RAD51B: variants seen among roughly 807,000 people sequenced by gnomAD.
RAD51B encodes RAD51 paralog B.
Under a neutral mutation model 42.2 loss-of-function variants are expected in RAD51B, and 38 were observed. The observed-to-expected ratio is 0.90, with a 90% confidence interval of 0.70 to 1.18. The LOEUF (loss-of-function observed/expected upper bound fraction) is 1.18. Among genes scored for constraint, RAD51B ranks in the 50% most tolerant of loss-of-function variants. RAD51B has a pLI of 0.00. For synonymous variants in RAD51B, 154 were observed against 145.2 expected, an observed-to-expected ratio of 1.06 and a Z score of -0.43; for missense variants, 373 against 400.7, an observed-to-expected ratio of 0.93 and a Z score of 0.59.
chr14:67,844,607 A>C (rs2041545799), intron 4 of RAD51B, among the ~76,000 whole-genome samples: 1 of 146,984 alleles, frequency 6.8e-6, no homozygotes, highest in South Asian at 2.1e-4. Context: ...TCTTTTATAT[A>C]TATATTATAT....
chr14:68,147,696 T>G (rs1277642965), intron 7 of RAD51B, among the ~76,000 whole-genome samples: 1 of 152,080 alleles, frequency 6.6e-6, no homozygotes, highest in African/African-American at 2.4e-5. Context: ...AATGAAGAAG[T>G]TGTTCTTTAT....
chr14:67,990,293 C>T (rs1016285987), intron 7 of RAD51B, among the ~76,000 whole-genome samples: 6 of 152,126 alleles, frequency 3.9e-5, no homozygotes, highest in Non-Finnish European at 8.8e-5. Flanking sequence ...CCACGCCTGG[C>T]CATTAACATC....
chr14:67,932,613 A>C (rs1322316641), intron 7 of RAD51B, among the ~76,000 whole-genome samples: 1 of 151,896 alleles, frequency 6.6e-6, no homozygotes, highest in Non-Finnish European at 1.5e-5. Flanking sequence ...TGTCCCTGGG[A>C]ATTTGGTATG....
At chr14:68,132,352 C>A (rs1417389519) in intron 7 of RAD51B, among the ~76,000 whole-genome samples, 1 of 152,090 alleles carries the variant, frequency 6.6e-6, no homozygotes, top group African/African-American at 2.4e-5. Flanking sequence ...TGATCATAAT[C>A]TTTGAATATT....
intron 7 of RAD51B, among the ~76,000 whole-genome samples, chr14:68,217,241 C>G (rs1246943610): frequency 1.3e-5 from 2 of 152,234 alleles, no homozygotes; most frequent in Admixed American, 1.3e-4. Context: ...TTGTTCCCCA[C>G]TGCTGCTTTC....
Position 68,669,272 on chromosome 14 carries a change from T to G in RAD51B, c.*11+18416T>G, listed in dbSNP as rs77774037. ...AAGAGAAGTCTAATTGCAAACAGAC[T>G]GAACTTTACATAGGAAATATGTAGG... On this transcript the variant is annotated intron_variant, in intron 11 of 11. Coordinates refer to the RAD51B transcript ENST00000488612. Among the ~76,000 whole-genome samples, 507 of 152,364 alleles carry G rather than the reference T, an allele frequency of 3.3e-3. 4 individuals are homozygous for G. The highest frequency in any genetic ancestry group is 0.012 in the African/African-American group (488 of 41,588).
intron 10 of RAD51B, among the ~76,000 whole-genome samples, chr14:68,506,420 G>A (rs934468966): frequency 1.3e-5 from 2 of 152,180 alleles, no homozygotes; most frequent in Non-Finnish European, 1.5e-5. Flanking sequence ...AACCTCTCAC[G>A]ACCTCCTCTC....
At chr14:68,652,069 G>C (rs1566964466) in intron 11 of RAD51B, among the ~76,000 whole-genome samples, 2 of 152,190 alleles carry the variant, frequency 1.3e-5, no homozygotes, top group Admixed American at 6.5e-5. Flanking sequence ...CTTTCCTAGA[G>C]ACCAAGGGTT....
rs979853404 is a variant in RAD51B at position 67,903,518 on chromosome 14, A to G, written c.756+16314A>G. ...TTTAAAAAGATCAACATTATAAGGTAGTAGATAGTAAGTATTAATTAGGTG... is the reference window on the plus strand; with the variant it reads ...TTTAAAAAGATCAACATTATAAGGTGGTAGATAGTAAGTATTAATTAGGTG... On this transcript the variant is annotated intron_variant, in intron 7 of 10. Transcript: ENST00000471583. Among the ~76,000 whole-genome samples, 122 of 152,350 alleles carry G rather than the reference A, an allele frequency of 8.0e-4. 1 individual carries two copies. Among genetic ancestry groups the G allele is most frequent in the African/African-American group, 2.9e-3 (120 of 41,580 alleles).
chr14:68,673,906 T>C (rs1270743861), intron 11 of RAD51B, among the ~76,000 whole-genome samples: 2 of 147,270 alleles, frequency 1.4e-5, no homozygotes, highest in African/African-American at 5.0e-5. Flanking sequence ...ACACACATAC[T>C]GTACACACAC....
intron 8 of RAD51B, among the ~76,000 whole-genome samples, chr14:68,394,880 G>C (rs183715708): frequency 2.9e-4 from 44 of 152,308 alleles, no homozygotes; most frequent in African/African-American, 1.0e-3. Context: ...TCCCTCTGCA[G>C]CCACAGCTGC....
chr14:68,099,092 A>G (rs1203443512), intron 7 of RAD51B, among the ~76,000 whole-genome samples: 1 of 152,228 alleles, frequency 6.6e-6, no homozygotes, highest in African/African-American at 2.4e-5. Context: ...TTTAATTGCT[A>G]GGTTTAACGA....
At chr14:68,383,804 C>T (rs1041185931) in intron 8 of RAD51B, among the ~76,000 whole-genome samples, 2 of 152,184 alleles carry the variant, frequency 1.3e-5, no homozygotes, top group African/African-American at 2.4e-5. Flanking sequence ...AAATATTTCC[C>T]CAGGCATCAT....
chr14:68,315,676 C>A (rs1414182803), intron 8 of RAD51B, among the ~76,000 whole-genome samples: 6 of 152,094 alleles, frequency 3.9e-5, no homozygotes, highest in Non-Finnish European at 7.4e-5. Flanking sequence ...TGCCCGCCAC[C>A]ACGCCCGGCT....
chr14:68,433,362 T>A (rs2085063533), intron 9 of RAD51B, among the ~76,000 whole-genome samples: 1 of 152,184 alleles, frequency 6.6e-6, no homozygotes. Context: ...GGTTCCATTC[T>A]CCCCATCACT....
chr14:68,609,319 C>A (rs1891579367), intron 10 of RAD51B, among the ~76,000 whole-genome samples: 1 of 152,194 alleles, frequency 6.6e-6, no homozygotes, highest in Non-Finnish European at 1.5e-5. Flanking sequence ...TCAGTGGCCA[C>A]TGTCACTCTC....
chr14:68,509,311 C>G (rs1885558647), intron 10 of RAD51B, among the ~76,000 whole-genome samples: 1 of 152,242 alleles, frequency 6.6e-6, no homozygotes, highest in Admixed American at 6.5e-5. Context: ...AGCTCCCCAG[C>G]TCCCTTCATT....
intron 7 of RAD51B, among the ~76,000 whole-genome samples, chr14:68,240,035 T>A (rs2080349056): frequency 6.6e-6 from 1 of 152,244 alleles, no homozygotes; most frequent in Non-Finnish European, 1.5e-5. Flanking sequence ...CTGAGAGACC[T>A]TCTCACTAAA....
chr14:68,354,484 A>G (rs1338327924), intron 8 of RAD51B, among the ~76,000 whole-genome samples: 1 of 150,104 alleles, frequency 6.7e-6, no homozygotes, highest in Non-Finnish European at 1.5e-5. Context: ...AAGTGTTGGG[A>G]TTACAGGCGT....
Sources: gnomAD v4.1 joint callset for allele counts (sites outside exome capture counted in the v4.1 genomes callset) on GRCh38, gnomAD v4.1.1 for gene constraint, MANE v1.5 for transcripts, NCBI Gene and HGNC (gene_info 2026-07-23, HGNC 2026-07-21) for gene names.